Variants in IDO1 observed in about 807,000 individuals in gnomAD.
IDO1 encodes indoleamine 2,3-dioxygenase 1.
A neutral mutation model predicts 38.8 loss-of-function variants in IDO1; 35 were observed. That is an observed-to-expected ratio of 0.90 (90% confidence interval 0.69 to 1.20). IDO1 has a LOEUF of 1.20. Ranked by LOEUF, IDO1 falls within the 50% of genes most tolerant of loss-of-function variation. The probability of loss-of-function intolerance (pLI) is 0.00; values close to 1 mark genes in which losing one functional copy is unlikely to be tolerated. For synonymous variants in IDO1, 171 were observed against 170.0 expected, an observed-to-expected ratio of 1.01 and a Z score of -0.05; for missense variants, 509 against 485.1, an observed-to-expected ratio of 1.05 and a Z score of -0.46.
intron 1 of IDO1, among the ~76,000 whole-genome samples, chr8:39,914,764 A>AT (rs1807147905): frequency 6.7e-6 from 1 of 148,696 alleles, no homozygotes; most frequent in East Asian, 1.9e-4. Flanking sequence ...TTATTTATTT[A>AT]TTATTATTAT....
At position 39,928,030 on chromosome 8, in the gene IDO1, T is replaced by A. The variant is rs748428322; in HGVS notation, c.1057T>A (p.Tyr353Asn). Residue 353 changes from tyrosine to asparagine, a missense_variant, in exon 10 of 10, where the codon TAC becomes AAC. Transcript: ENST00000518237. ...CTACCATCTGCAAATCGTGACTAAG[T>A]ACATCCTGATTCCTGCAAGCCAGCA... ...RSYHLQIVTK[Y>N]ILIPASQQPK... The A allele has an allele frequency of 1.2e-6, 2 of 1,608,016 alleles. No homozygotes were observed. The highest frequency in any genetic ancestry group is 1.7e-6 in the Non-Finnish European group (2 of 1,177,156).
Position 39,927,890 on chromosome 8 carries a change from T to G in IDO1, c.917T>G (p.Phe306Cys). 6.2e-7 allele frequency: 1 copy of G among 1,601,124 alleles called. No individual in the cohort carries two copies. Among genetic ancestry groups the G allele is most frequent in the South Asian group, 1.1e-5 (1 of 88,914 alleles). The stretch of plus-strand genomic sequence containing the variant: ...TATATGCCACCAGCTCACAGGAACT[T>G]CCTGTGCTCATTAGAGTCAAATCCC... ...RRYMPPAHRN[F>C]LCSLESNPSV... The change falls in exon 10 of 10, where the codon TTC becomes TGC. Residue 306 changes from phenylalanine to cysteine, a missense_variant. Phe to Cys is a radical substitution (Grantham distance 205). Transcript: ENST00000518237.
chr8:39,925,297 G>C lies in IDO1; in HGVS notation c.782G>C (p.Gly261Ala). 6.2e-7 allele frequency: 1 copy of C among 1,613,228 alleles called. No homozygotes were observed. Residue 261 changes from glycine to alanine, a missense_variant, in exon 9 of 10, where the codon GGG becomes GCG. Coordinates refer to ENST00000518237, the MANE Select transcript of IDO1 (RefSeq NM_002164.6). ...TGGGAAGACCCAAAGGAGTTTGCAGGGGGCAGTGCAGGCCAAAGCAGCGTC... is the reference window on the plus strand; with the variant it reads ...TGGGAAGACCCAAAGGAGTTTGCAGCGGGCAGTGCAGGCCAAAGCAGCGTC... ...GFWEDPKEFA[G>A]GSAGQSSVFQ...
At position 39,927,956 on chromosome 8, in the gene IDO1, T is replaced by G. The variant is rs752623859; in HGVS notation, c.983T>G (p.Leu328Arg). ...GTCCTTTCAAAAGGTGATGCTGGCC[T>G]GCGGGAAGCTTATGACGCCTGTGTG... ...EFVLSKGDAG[L>R]REAYDACVKA... Residue 328 changes from leucine to arginine, a missense_variant, in exon 10 of 10, where the codon CTG (leucine) becomes CGG (arginine). Coordinates refer to ENST00000518237, the MANE Select transcript of IDO1 (RefSeq NM_002164.6). The G allele has an allele frequency of 1.2e-5, 19 of 1,604,984 alleles. No homozygotes were observed. The South Asian group carries it at 2.1e-4, about 18-fold the overall frequency.
intron 1 of IDO1, among the ~76,000 whole-genome samples, chr8:39,914,491 T>A (rs1328836544): frequency 6.6e-6 from 1 of 152,198 alleles, no homozygotes; most frequent in African/African-American, 2.4e-5. Context: ...CATGTTATAT[T>A]ATCATTGCTT....
At position 39,918,202 on chromosome 8, in the gene IDO1, C is replaced by T. The variant is rs769048421; in HGVS notation, c.298C>T (p.Arg100Cys). The change falls in exon 3 of 10, where the codon CGT (arginine) becomes TGT (cysteine). Residue 100 changes from arginine to cysteine, a missense_variant. Coordinates refer to ENST00000518237, the MANE Select transcript of IDO1 (RefSeq NM_002164.6). ...GTGGGGCAAAGGTCATGGAGATGTC[C>T]GTAAGGTTTGGAGATTTTCTCAGAT... ...YVWGKGHGDV[R>C]KVLPRNIAVP... The T allele has an allele frequency of 6.2e-6, 10 of 1,606,922 alleles. No homozygotes were observed. The highest frequency in any genetic ancestry group is 1.7e-5 in the Admixed American group (1 of 59,608).
Position 39,928,391 on chromosome 8 carries a change from T to C in IDO1, c.*206T>C. The C allele has an allele frequency of 2.1e-6, 1 of 486,150 alleles. No homozygotes were observed. 30.1% of individuals were successfully genotyped at this position (486,150 alleles called of 1,614,324 possible). A position where few individuals can be genotyped will look rare whatever the true frequency, so the allele number is the denominator to read the frequency against. ...ATTATACTAGAAGTTTTGTAATCTG[T>C]ATCTTATCATTGGAATAAAATGACA... On this transcript the variant is annotated 3_prime_UTR_variant, in exon 10 of 10. Coordinates refer to ENST00000518237, the MANE Select transcript of IDO1 (RefSeq NM_002164.6).
At position 39,925,286 on chromosome 8, in the gene IDO1, G is replaced by A. The variant is rs1347138232; in HGVS notation, c.771G>A (p.Lys257=). The A allele has an allele frequency of 1.2e-6, 2 of 1,613,332 alleles. No individual in the cohort carries two copies. The highest frequency in any genetic ancestry group is 1.7e-6 in the Non-Finnish European group (2 of 1,179,764). Residue 257 remains lysine, a synonymous_variant, in exon 9 of 10, where the codon AAG becomes AAA. Coordinates refer to ENST00000518237, the MANE Select transcript of IDO1 (RefSeq NM_002164.6). The stretch of plus-strand genomic sequence containing the variant: ...ATGAAGGGTTCTGGGAAGACCCAAA[G>A]GAGTTTGCAGGGGGCAGTGCAGGCC... ...LVYEGFWEDP[K]EFAGGSAGQS...
chr8:39,921,061 A>T lies in IDO1; in HGVS notation c.437+947A>T, dbSNP rs529622763. On this transcript the variant is annotated intron_variant, in intron 5 of 9. Coordinates refer to ENST00000518237, the MANE Select transcript of IDO1 (RefSeq NM_002164.6). Reference sequence around the variant, plus strand: ...GAATTAGCTAGAGGAAAAAGGTAAGAGTATTCATAGCGGAAGAAACAGCAA... The same window carrying T: ...GAATTAGCTAGAGGAAAAAGGTAAGTGTATTCATAGCGGAAGAAACAGCAA... 2.0e-5 allele frequency among the ~76,000 whole-genome samples: 3 copies of T among 152,368 alleles called. No individual in the cohort carries two copies. The South Asian group carries it at 6.2e-4, about 32-fold the overall frequency.
intron 5 of IDO1, 141 bp downstream of exon 5, chr8:39,920,255 C>A: frequency 1.6e-6 from 1 of 616,910 alleles, no homozygotes; most frequent in South Asian, 2.3e-5. Flanking sequence ...ATTTAGAGAA[C>A]AAATAATCTC....
chr8:39,925,042 G>A (rs1043326926), intron 8 of IDO1, among the ~76,000 whole-genome samples, 181 bp from the exon 9 acceptor site: 1 of 152,126 alleles, frequency 6.6e-6, no homozygotes, highest in Non-Finnish European at 1.5e-5. Context: ...AATCTGCTCA[G>A]GATTATATTA....
At chr8:39,926,296 G>C (rs62512634) in intron 9 of IDO1, among the ~76,000 whole-genome samples, 15,227 of 152,214 alleles carry the variant, frequency 0.1, 1,081 homozygotes, top group East Asian at 0.28. Context: ...TATAAAGACT[G>C]GTTGACTCCG....
chr8:39,927,927 G>A lies in IDO1; in HGVS notation c.954G>A (p.Glu318=), dbSNP rs75174100. 3.9e-3 allele frequency: 6,219 copies of A among 1,607,732 alleles called. 25 individuals carry two copies. The highest frequency in any genetic ancestry group is 4.7e-3 in the Non-Finnish European group (5,587 of 1,177,020). ...TAGAGTCAAATCCCTCAGTCCGTGA[G>A]TTTGTCCTTTCAAAAGGTGATGCTG... is the stretch of plus-strand genomic sequence containing the variant. ...CSLESNPSVR[E]FVLSKGDAGL... is the part of the protein sequence containing the mutation. The change falls in exon 10 of 10, where the codon GAG becomes GAA. Residue 318 remains glutamate (E), a synonymous_variant. Transcript: ENST00000518237.
chr8:39,914,777 T>C (rs549686863), intron 1 of IDO1, among the ~76,000 whole-genome samples: 1 of 152,200 alleles, frequency 6.6e-6, no homozygotes, highest in African/African-American at 2.4e-5. Context: ...ATTATTATTA[T>C]TATTTTGAGA....
In IDO1 at chr8:39,917,911, A is replaced by C. The variant is rs1310583667; in HGVS notation, c.124A>C (p.Ile42Leu). 2 of 1,612,434 alleles carry C rather than the reference A, an allele frequency of 1.2e-6. No homozygotes were observed. Among genetic ancestry groups the C allele is most frequent in the South Asian group, 2.2e-5 (2 of 91,042 alleles). ...TGATTTTTATAATGACTGGATGTTC[A>C]TTGCTAAACATCTGCCTGATCTCAT... ...LPDFYNDWMF[I>L]AKHLPDLIES... is the part of the protein sequence containing the mutation. The change falls in exon 2 of 10, where the codon ATT becomes CTT. Residue 42 changes from isoleucine to leucine, a missense_variant. Physicochemically the swap from Ile to Leu is conservative, Grantham distance 5 (BLOSUM62 2). Transcript: ENST00000518237.
intron 1 of IDO1, chr8:39,915,652 G>C (rs548582152): frequency 6.6e-6 from 1 of 152,276 alleles, no homozygotes; most frequent in African/African-American, 2.4e-5. Flanking sequence ...CAAAAATGCT[G>C]GGACTGGATG....
chr8:39,918,885 T>C lies in IDO1; in HGVS notation c.374T>C (p.Val125Ala). The C allele has an allele frequency of 4.3e-6, 7 of 1,613,078 alleles. No homozygotes were observed. The highest frequency in any genetic ancestry group is 5.1e-6 in the Non-Finnish European group (6 of 1,179,096). ...SKKLELPPIL[V>A]YADCVLANWK... Reference sequence around the variant, plus strand: ...AAACTGGAACTGCCTCCTATTTTGGTTTATGCAGACTGTGTCTTGGCAAAC... The same window carrying C: ...AAACTGGAACTGCCTCCTATTTTGGCTTATGCAGACTGTGTCTTGGCAAAC... Residue 125 changes from valine (V) to alanine (A), a missense_variant, in exon 4 of 10, where the codon GTT becomes GCT. Physicochemically the swap from Val to Ala is moderately conservative, Grantham distance 64 (BLOSUM62 0). Transcript: ENST00000518237.
In IDO1 at chr8:39,920,131, T is replaced by A. The variant is rs771556635; in HGVS notation, c.437+17T>A. On this transcript the variant is annotated intron_variant, in intron 5 of 9. Transcript: ENST00000518237. The stretch of plus-strand genomic sequence containing the variant: ...GACTTATGAGTAAGTATCTGATTCT[T>A]GTTTGATTCTAAGAATTATTTGTTA... The A allele has an allele frequency of 1.9e-6, 3 of 1,596,846 alleles. No individual in the cohort carries two copies. Among genetic ancestry groups the A allele is most frequent in the Non-Finnish European group, 2.6e-6 (3 of 1,169,216 alleles).
intron 1 of IDO1, among the ~76,000 whole-genome samples, chr8:39,917,077 C>T (rs930854040): frequency 1.2e-4 from 19 of 152,164 alleles, no homozygotes; most frequent in African/African-American, 4.6e-4. Flanking sequence ...CTTCTTGGGC[C>T]ATTACAATAA....
Sources: gnomAD v4.1 joint callset for allele counts (sites outside exome capture counted in the v4.1 genomes callset) on GRCh38, gnomAD v4.1.1 for gene constraint, MANE v1.5 for transcripts, NCBI Gene and HGNC (gene_info 2026-07-23, HGNC 2026-07-21) for gene names.